Variants in DNMT3B observed in about 807,000 individuals in gnomAD.
DNMT3B encodes the protein DNA (cytosine-5)-methyltransferase 3B.
DNMT3B carries 37 observed loss-of-function variants against 120.2 expected under a neutral mutation model. The observed-to-expected ratio is 0.31, with a 90% CI of 0.24 to 0.40. The LOEUF is 0.40. DNMT3B is among the 10% of genes least tolerant of loss of function. The pLI is 1.00. For synonymous variants in DNMT3B, 412 were observed against 442.8 expected (o/e 0.93, Z 0.87); for missense variants, 878 against 1,137.3 (o/e 0.77, Z 3.28).
intron 10 of DNMT3B, among the ~76,000 whole-genome samples, chr20:32,794,505 C>T (rs1980383609): frequency 6.6e-6 from 1 of 152,000 alleles, no homozygotes; most frequent in African/African-American, 2.4e-5. Context: ...ATGATGAAAC[C>T]CCGTCTCTAC....
chr20:32,780,769 C>T (rs2145909030), intron 2 of DNMT3B, among the ~76,000 whole-genome samples: 1 of 152,216 alleles, frequency 6.6e-6, no homozygotes, highest in South Asian at 2.1e-4. Flanking sequence ...AGCCCTTCTG[C>T]AGTGGGACCC....
chr20:32,797,368 G>A, intron 14 of DNMT3B, 69 bp downstream of exon 14: 2 of 1,466,472 alleles, frequency 1.4e-6, no homozygotes, highest in East Asian at 4.5e-5. Flanking sequence ...GCAGTCTGCA[G>A]ACAGCTGTCT....
intron 2 of DNMT3B, among the ~76,000 whole-genome samples, 171 bp downstream of exon 2, chr20:32,780,636 G>A (rs1320921558): frequency 1.3e-5 from 2 of 152,000 alleles, no homozygotes; most frequent in Non-Finnish European, 2.9e-5. Context: ...ACACCTGCCC[G>A]CAGCCCTTGG....
At chr20:32,785,193 C>T (rs1308358034) in intron 4 of DNMT3B, among the ~76,000 whole-genome samples, 2 of 152,110 alleles carry the variant, frequency 1.3e-5, no homozygotes, top group Non-Finnish European at 2.9e-5. Context: ...GCACCTACCA[C>T]CACACCCGGC....
At chr20:32,781,612 T>G (rs1298343462) in intron 3 of DNMT3B, among the ~76,000 whole-genome samples, 198 bp downstream of exon 3, 2 of 152,260 alleles carry the variant, frequency 1.3e-5, no homozygotes, top group Non-Finnish European at 2.9e-5. Context: ...AATATGGTAG[T>G]CCCCTCTTAT....
chr20:32,805,269 C>T, intron 20 of DNMT3B, 69 bp from the exon 21 acceptor site: 1 of 1,589,332 alleles, frequency 6.3e-7, no homozygotes, highest in East Asian at 2.2e-5. Context: ...TAGACCCTCA[C>T]TCCCACCTTG....
intron 19 of DNMT3B, among the ~76,000 whole-genome samples, chr20:32,802,097 G>T (rs986761281): frequency 6.6e-6 from 1 of 152,156 alleles, no homozygotes; most frequent in Non-Finnish European, 1.5e-5. Context: ...GAGGTTGGAG[G>T]ATCACTTGAG....
intron 7 of DNMT3B, among the ~76,000 whole-genome samples, chr20:32,789,978 G>A (rs1979774243): frequency 6.6e-6 from 1 of 152,198 alleles, no homozygotes; most frequent in Admixed American, 6.5e-5. Flanking sequence ...CCTGAGAGAG[G>A]CTAAGTTAGG....
At chr20:32,788,704 C>G (rs1044306826) in intron 6 of DNMT3B, 150 bp from the exon 7 acceptor site, 1 of 991,600 alleles carries the variant, frequency 1.0e-6, no homozygotes, top group Non-Finnish European at 1.5e-6. Context: ...TCCCAAAGTA[C>G]TGAGAATTAC....
At chr20:32,765,554 G>T (rs1360982282) in intron 1 of DNMT3B, among the ~76,000 whole-genome samples, 5 of 149,546 alleles carry the variant, frequency 3.3e-5, no homozygotes, top group Non-Finnish European at 3.0e-5. Context: ...CCGAGTAGCT[G>T]GGATTACATG....
intron 18 of DNMT3B, 96 bp downstream of exon 18, chr20:32,801,021 C>T (rs891751922): frequency 6.8e-7 from 1 of 1,463,888 alleles, no homozygotes; most frequent in African/African-American, 1.4e-5. Flanking sequence ...TTGCTTCTGG[C>T]CAAGTTACTG....
intron 7 of DNMT3B, among the ~76,000 whole-genome samples, chr20:32,789,403 A>G (rs569871676): frequency 6.6e-6 from 1 of 152,250 alleles, no homozygotes; most frequent in South Asian, 2.1e-4. Flanking sequence ...GGGGAGAGAA[A>G]GGCATGGAGT....
intron 1 of DNMT3B, among the ~76,000 whole-genome samples, chr20:32,770,179 C>T (rs1328837761): frequency 6.6e-6 from 1 of 152,176 alleles, no homozygotes; most frequent in African/African-American, 2.4e-5. Flanking sequence ...ATGGCATGAT[C>T]TCAGCTCACT....
chr20:32,780,440 G>C lies in DNMT3B; in HGVS notation c.117G>C (p.Glu39Asp), dbSNP rs752972556. The C allele has an allele frequency of 6.2e-7, 1 of 1,613,588 alleles. No homozygotes were observed. The highest frequency in any genetic ancestry group is 2.2e-5 in the East Asian group (1 of 44,882). Residue 39 changes from glutamate (E) to aspartate (D), a missense_variant, in exon 2 of 23, where the codon GAG (glutamate) becomes GAC (aspartate). Glu to Asp is a conservative substitution (Grantham distance 45). This residue lies in a region of DNMT3B where 287 missense variants were observed against 306.2 expected (regional missense o/e 0.94). Coordinates refer to ENST00000328111, the MANE Select transcript of DNMT3B (RefSeq NM_006892.4). ...DQSSDSPPIL[E>D]AIRTPEIRGR... is the part of the protein sequence containing the mutation. ...CCTCCGACTCGCCCCCAATCCTGGAGGCTATCCGCACCCCGGAGATCAGAG... is the reference window on the plus strand; with the variant it reads ...CCTCCGACTCGCCCCCAATCCTGGACGCTATCCGCACCCCGGAGATCAGAG...
chr20:32,801,505 T>C lies in DNMT3B; in HGVS notation c.2145+79T>C, dbSNP rs558308127. The C allele has an allele frequency of 5.1e-5, 81 of 1,579,686 alleles. No homozygotes were observed. In the East Asian group the frequency reaches 1.8e-3, roughly 35 times the overall value. On this transcript the variant is annotated intron_variant, in intron 19 of 22. Transcript: ENST00000328111. ...TGCTGGCAGTGATGATTGGTGGGTG[T>C]TGCCAACATTGGGAATGACTTTCCC...
intron 18 of DNMT3B, 120 bp from the exon 19 acceptor site, chr20:32,801,158 C>G: frequency 6.9e-7 from 1 of 1,447,788 alleles, no homozygotes. Flanking sequence ...TGGACATAGA[C>G]TGGTAGGCAT....
intron 16 of DNMT3B, 69 bp downstream of exon 16, chr20:32,799,397 A>G (rs1452292081): frequency 1.5e-5 from 23 of 1,537,924 alleles, no homozygotes; most frequent in Non-Finnish European, 1.8e-5. Flanking sequence ...GTCAGAAGGC[A>G]TGGTTAAGGT....
chr20:32,785,114 G>A (rs201257979), intron 4 of DNMT3B, among the ~76,000 whole-genome samples: 2 of 151,050 alleles, frequency 1.3e-5, no homozygotes, highest in East Asian at 2.0e-4. Flanking sequence ...TTAGCTCACT[G>A]CAACAACCTC....
At chr20:32,770,715 T>C (rs1201571938) in intron 1 of DNMT3B, among the ~76,000 whole-genome samples, 2 of 150,236 alleles carry the variant, frequency 1.3e-5, no homozygotes, top group African/African-American at 4.9e-5. Flanking sequence ...CGGGTTCAAG[T>C]GATTCTCTTG....
Sources: allele counts gnomAD v4.1 joint callset (sites outside exome capture counted in the v4.1 genomes callset), GRCh38; gene constraint gnomAD v4.1.1; regional missense constraint gnomAD v4.1.1; transcripts MANE v1.5; gene names NCBI Gene and HGNC (gene_info 2026-07-23, HGNC 2026-07-21).